ELMO2: variants seen among roughly 807,000 people sequenced by gnomAD.
The protein encoded by ELMO2 is engulfment and cell motility protein 2.
ELMO2 carries 37 observed loss-of-function variants against 96.2 expected under a neutral mutation model. The observed-to-expected ratio is 0.38, with a 90% CI of 0.30 to 0.51. ELMO2 has a LOEUF of 0.51. Among genes scored for constraint, ELMO2 ranks in the 20% least tolerant of loss-of-function variants. The pLI is 0.88. For synonymous variants in ELMO2, 315 were observed against 329.4 expected, an observed-to-expected ratio of 0.96 and a Z score of 0.47; for missense variants, 561 against 912.6, an observed-to-expected ratio of 0.61 and a Z score of 4.96.
intron 1 of ELMO2, among the ~76,000 whole-genome samples, chr20:46,400,046 G>A (rs1424657070): frequency 5.9e-5 from 9 of 152,196 alleles, no homozygotes; most frequent in Non-Finnish European, 1.2e-4. Context: ...GCTGAGGCAG[G>A]AGAGTTGCTT....
intron 1 of ELMO2, among the ~76,000 whole-genome samples, chr20:46,406,264 G>A (rs1048373477): frequency 2.7e-5 from 4 of 150,876 alleles, no homozygotes; most frequent in Non-Finnish European, 4.4e-5. Flanking sequence ...GCCCAGCCCA[G>A]CCCCCGTGCC....
Position 46,367,270 on chromosome 20 carries a change from G to A in ELMO2, c.*90C>T, listed in dbSNP as rs1193916620. ...GGCCACCAAAATCACTACAGATTCT[G>A]TACAAGCAAAAGACAAGGCACCAGA... On this transcript the variant is annotated 3_prime_UTR_variant, in exon 22 of 22. Coordinates refer to ENST00000290246, the MANE Select transcript of ELMO2 (RefSeq NM_133171.5). 3.1e-6 allele frequency: 4 copies of A among 1,270,816 alleles called. No homozygotes were observed. The South Asian group carries it at 4.9e-5, about 16-fold the overall frequency. The allele number at this position is 1,270,816 out of a possible 1,614,324, so 78.7% of individuals were successfully genotyped here.
At chr20:46,398,844 G>C (rs556644567) in intron 1 of ELMO2, 73 bp from the exon 2 acceptor site, 6 of 152,342 alleles carry the variant, frequency 3.9e-5, no homozygotes, top group East Asian at 1.9e-4. Flanking sequence ...CAACACATCA[G>C]AACTGGGTCT....
intron 2 of ELMO2, among the ~76,000 whole-genome samples, chr20:46,396,705 A>T (rs1353688124): frequency 1.3e-5 from 2 of 152,202 alleles, no homozygotes; most frequent in African/African-American, 2.4e-5. Flanking sequence ...CAACAGAAAG[A>T]ACACTGGGCT....
intron 16 of ELMO2, 63 bp downstream of exon 16, chr20:46,373,336 T>C (rs1484529272): frequency 6.3e-7 from 1 of 1,592,006 alleles, no homozygotes; most frequent in Non-Finnish European, 8.6e-7. Context: ...GCCAGCCAGC[T>C]GTCAAAGGCT....
At position 46,375,471 on chromosome 20, in the gene ELMO2, A is replaced by G. The variant is rs1004706177; in HGVS notation, c.931-101T>C. The G allele has an allele frequency of 9.1e-6, 14 of 1,533,452 alleles. No homozygotes were observed. The highest frequency in any genetic ancestry group is 4.1e-5 in the African/African-American group (3 of 72,968). 95.0% of individuals were successfully genotyped at this position (1,533,452 alleles called of 1,614,324 possible). ...TTTTCTGGGCCAAACTTTGGCCCCA[A>G]TCAATCCCTTAGGAGGCATCACCTC... On this transcript the variant is annotated intron_variant, in intron 12 of 21. Coordinates refer to ENST00000290246, the MANE Select transcript of ELMO2 (RefSeq NM_133171.5). The surrounding 1 kb of genome is among the most constrained non-coding windows in gnomAD (Gnocchi z 4.6).
chr20:46,385,039 T>C (rs1450162387), intron 9 of ELMO2, among the ~76,000 whole-genome samples: 1 of 152,168 alleles, frequency 6.6e-6, no homozygotes, highest in Non-Finnish European at 1.5e-5. Context: ...TAATTGTGCT[T>C]TCTTTTTACT....
chr20:46,381,965 G>C lies in ELMO2; in HGVS notation c.756+1451C>G, dbSNP rs533576112. On this transcript the variant is annotated intron_variant, in intron 10 of 21. Transcript: ENST00000290246. Reference sequence around the variant, plus strand: ...TAGTTGAACTACAGACCCATGCAAAGGCAAGTTATAAAGGAAGGCTGGGGC... The same window carrying C: ...TAGTTGAACTACAGACCCATGCAAACGCAAGTTATAAAGGAAGGCTGGGGC... Among the ~76,000 whole-genome samples, 6 of 152,302 alleles carry C rather than the reference G, an allele frequency of 3.9e-5. No homozygotes were observed. The South Asian group carries it at 1.2e-3, about 32-fold the overall frequency.
chr20:46,390,198 C>T (rs1407184637), intron 6 of ELMO2, among the ~76,000 whole-genome samples: 2 of 152,056 alleles, frequency 1.3e-5, no homozygotes, highest in African/African-American at 2.4e-5. Context: ...AACTGTTAGA[C>T]AGCAGAAGAG....
chr20:46,389,329 T>G (rs527989332), intron 6 of ELMO2, 109 bp from the exon 7 acceptor site: 2 of 1,164,046 alleles, frequency 1.7e-6, no homozygotes, highest in African/African-American at 3.1e-5. Context: ...GAGGCAGAAC[T>G]AGTTTTTTCA....
At chr20:46,379,386 T>C (rs1447317166) in intron 11 of ELMO2, among the ~76,000 whole-genome samples, 2 of 152,070 alleles carry the variant, frequency 1.3e-5, no homozygotes, top group African/African-American at 4.8e-5. Flanking sequence ...ACCCCACAGG[T>C]GGTAACAGGG....
At chr20:46,367,937 G>A (rs1012256190) in intron 21 of ELMO2, among the ~76,000 whole-genome samples, 4 of 152,148 alleles carry the variant, frequency 2.6e-5, no homozygotes, top group Non-Finnish European at 5.9e-5. Flanking sequence ...AGAAGTCACT[G>A]TGGGATCTCA....
chr20:46,394,646 C>G (rs1396794482), intron 2 of ELMO2, 114 bp from the exon 3 acceptor site: 1 of 774,716 alleles, frequency 1.3e-6, no homozygotes. Flanking sequence ...CATGAAACTA[C>G]CTGGTTTGAA....
intron 15 of ELMO2, among the ~76,000 whole-genome samples, chr20:46,374,099 T>G (rs373095107): frequency 0.014 from 165 of 11,978 alleles, no homozygotes; most frequent in Non-Finnish European, 0.026. Context: ...TAATTTTTGG[T>G]TTTTTTTTTT....
chr20:46,402,377 G>A (rs1381846101), intron 1 of ELMO2, among the ~76,000 whole-genome samples: 1 of 152,166 alleles, frequency 6.6e-6, no homozygotes, highest in East Asian at 1.9e-4. Flanking sequence ...ACTGACTGAG[G>A]ATTATTAATT....
At chr20:46,368,578 G>A (rs2059630276) in intron 21 of ELMO2, among the ~76,000 whole-genome samples, 1 of 152,134 alleles carries the variant, frequency 6.6e-6, no homozygotes, top group Non-Finnish European at 1.5e-5. Context: ...GTAATGTGGA[G>A]AGCCCAGCTC....
intron 7 of ELMO2, among the ~76,000 whole-genome samples, chr20:46,388,364 T>C (rs562592641): frequency 1.3e-5 from 2 of 152,228 alleles, no homozygotes; most frequent in South Asian, 4.1e-4. Flanking sequence ...AGTTGATCTA[T>C]GGGCTGAGAA....
chr20:46,373,173 TG>T, intron 16 of ELMO2: 2 of 546,804 alleles, frequency 3.7e-6, no homozygotes, highest in Non-Finnish European at 6.4e-6. Context: ...CTAACTTCAA[TG>T]GACAAATGAG....
In ELMO2 at chr20:46,393,228, G is replaced by A. The variant is rs2060183616; in HGVS notation, c.193-85C>T. On this transcript the variant is annotated intron_variant, in intron 5 of 21. Transcript: ENST00000290246. ...CAAGTTGAATCAACAATAATGTTTT[G>A]TCTTTTTTACAGTAGATGTAACTGA... 3.6e-6 allele frequency: 5 copies of A among 1,393,048 alleles called. No homozygotes were observed. The Admixed American group carries it at 6.8e-5, about 19-fold the overall frequency. 86.3% of individuals were successfully genotyped at this position (1,393,048 alleles called of 1,614,324 possible).
Sources: gnomAD v4.1 joint callset for allele counts (sites outside exome capture counted in the v4.1 genomes callset) on GRCh38, gnomAD v4.1.1 for gene constraint, Gnocchi (gnomAD v3.1) non-coding constraint, MANE v1.5 for transcripts, NCBI Gene and HGNC (gene_info 2026-07-23, HGNC 2026-07-21) for gene names.